CLASP1: variants seen among roughly 807,000 people sequenced by gnomAD.
The protein encoded by CLASP1 is CLIP-associating protein 1.
In CLASP1, 38 loss-of-function variants were observed where a neutral mutation model predicts 192.3. The observed-to-expected ratio is 0.20, with a 90% CI of 0.15 to 0.26. The LOEUF (loss-of-function observed/expected upper bound fraction) is 0.26. Ranked by LOEUF, CLASP1 falls within the 10% of genes least tolerant of loss-of-function variation. The probability of loss-of-function intolerance (pLI) is 1.00; values close to 1 mark genes in which losing one functional copy is unlikely to be tolerated. For synonymous variants in CLASP1, 691 were observed against 712.8 expected (o/e 0.97, Z 0.49); for missense variants, 1,433 against 1,932.5 (o/e 0.74, Z 4.85).
intron 8 of CLASP1, among the ~76,000 whole-genome samples, chr2:121,474,610 C>T (rs1382258697): frequency 6.6e-6 from 1 of 152,152 alleles, no homozygotes; most frequent in African/African-American, 2.4e-5. Flanking sequence ...GTGGTGGGTG[C>T]CTGTAGTCGC....
chr2:121,518,059 G>A (rs534672926), intron 6 of CLASP1, among the ~76,000 whole-genome samples: 16 of 148,878 alleles, frequency 1.1e-4, no homozygotes, highest in Middle Eastern at 3.5e-3. Flanking sequence ...GTGAAACCCC[G>A]TCTCTACTAA....
chr2:121,593,674 G>A (rs1476975908), intron 2 of CLASP1, among the ~76,000 whole-genome samples: 1 of 145,752 alleles, frequency 6.9e-6, no homozygotes, highest in African/African-American at 2.6e-5. Context: ...AGACCTAAAT[G>A]TAGTGTGTGT....
chr2:121,538,844 A>G (rs1277915408), intron 2 of CLASP1, among the ~76,000 whole-genome samples: 2 of 152,150 alleles, frequency 1.3e-5, no homozygotes, highest in East Asian at 1.9e-4. Context: ...TGCAAGACTA[A>G]TACAAAGCCA....
intron 2 of CLASP1, among the ~76,000 whole-genome samples, chr2:121,584,851 T>C (rs2105638229): frequency 6.6e-6 from 1 of 152,306 alleles, no homozygotes; most frequent in East Asian, 1.9e-4. Flanking sequence ...GCTGTTTGGG[T>C]ACAATTTAAA....
At chr2:121,362,135 T>A (rs924693143) in intron 37 of CLASP1, among the ~76,000 whole-genome samples, 6 of 152,256 alleles carry the variant, frequency 3.9e-5, no homozygotes, top group African/African-American at 1.4e-4. Flanking sequence ...CAGTCACACA[T>A]GAGCCAAGAG....
intron 8 of CLASP1, among the ~76,000 whole-genome samples, chr2:121,476,412 T>C (rs1292661966): frequency 2.0e-5 from 3 of 152,168 alleles, no homozygotes; most frequent in Non-Finnish European, 4.4e-5. Flanking sequence ...AGTTTGGCTA[T>C]GAGGGGCAGA....
Position 121,535,469 on chromosome 2 carries a change from GA to G in CLASP1, c.196-5145del, listed in dbSNP as rs2095038854. Among the ~76,000 whole-genome samples, 3 of 151,920 alleles carry G rather than the reference GA, an allele frequency of 2.0e-5. No individual in the cohort carries two copies. In the South Asian group the frequency reaches 6.2e-4, roughly 31 times the overall value. The stretch of plus-strand genomic sequence containing the variant: ...CCTAAGTGCACTGTAAATACATGAA[GA>G]GAACTAAACAGGAAACTAAGTCTGC... On this transcript the variant is annotated intron_variant, in intron 2 of 39. Transcript: ENST00000263710.
chr2:121,526,027 A>G, intron 5 of CLASP1, 107 bp from the exon 6 acceptor site: 1 of 735,620 alleles, frequency 1.4e-6, no homozygotes, highest in Non-Finnish European at 2.4e-6. Context: ...CCCCATCACC[A>G]CCTCATACCA....
At chr2:121,487,950 T>C (rs967963667) in intron 8 of CLASP1, among the ~76,000 whole-genome samples, 2 of 152,262 alleles carry the variant, frequency 1.3e-5, no homozygotes, top group African/African-American at 4.8e-5. Flanking sequence ...GCTTTGGCTA[T>C]TGGAAGCACT....
chr2:121,578,221 C>T (rs1032884175), intron 2 of CLASP1, among the ~76,000 whole-genome samples: 2 of 151,844 alleles, frequency 1.3e-5, no homozygotes, highest in Non-Finnish European at 2.9e-5. Flanking sequence ...AGGCATGAGC[C>T]ACCACACCCT....
chr2:121,410,674 C>G (rs1195160568), intron 24 of CLASP1, among the ~76,000 whole-genome samples, 192 bp downstream of exon 25: 1 of 152,176 alleles, frequency 6.6e-6, no homozygotes, highest in African/African-American at 2.4e-5. Flanking sequence ...TCCATTTTCA[C>G]TTATATGTGT....
At chr2:121,547,112 T>C (rs375473238) in intron 2 of CLASP1, among the ~76,000 whole-genome samples, 9 of 152,246 alleles carry the variant, frequency 5.9e-5, no homozygotes, top group African/African-American at 1.4e-4. Context: ...TACAGAAAAG[T>C]GGCCAGACGG....
chr2:121,345,839 A>G (rs1318048179), intron 39 of CLASP1, among the ~76,000 whole-genome samples: 2 of 152,204 alleles, frequency 1.3e-5, no homozygotes, highest in Non-Finnish European at 2.9e-5. Flanking sequence ...GCCAGGTGTG[A>G]GACAGCAGTG....
chr2:121,534,305 G>C (rs2094981318), intron 2 of CLASP1, among the ~76,000 whole-genome samples: 1 of 152,204 alleles, frequency 6.6e-6, no homozygotes, highest in South Asian at 2.1e-4. Flanking sequence ...CTAGACTTTA[G>C]GAGGAGAGTG....
intron 8 of CLASP1, among the ~76,000 whole-genome samples, chr2:121,475,837 G>C (rs1297855806): frequency 6.6e-6 from 1 of 152,128 alleles, no homozygotes; most frequent in South Asian, 2.1e-4. Flanking sequence ...TGCCATGGGA[G>C]GGCCACTTCT....
chr2:121,641,847 T>C (rs2106338070), intron 1 of CLASP1, among the ~76,000 whole-genome samples: 1 of 152,308 alleles, frequency 6.6e-6, no homozygotes, highest in South Asian at 2.1e-4. Flanking sequence ...GGTTAGCTAG[T>C]GGCAATACAT....
intron 32 of CLASP1, among the ~76,000 whole-genome samples, chr2:121,384,576 TAAA>T (rs1012145456): frequency 1.4e-5 from 2 of 146,058 alleles, no homozygotes; most frequent in African/African-American, 2.5e-5. Flanking sequence ...AATTTTGGAC[TAAA>T]AAAAAAAAGT....
chr2:121,493,345 T>A (rs1290780558), intron 8 of CLASP1, among the ~76,000 whole-genome samples: 1 of 152,000 alleles, frequency 6.6e-6, no homozygotes, highest in East Asian at 1.9e-4. Flanking sequence ...AATCCACACA[T>A]CTACAGTGAA....
chr2:121,528,701 G>C (rs898747828), exon 4 of CLASP1: 1 of 1,613,874 alleles, frequency 6.2e-7, no homozygotes, highest in African/African-American at 1.3e-5. Context: ...CTTGATCCAT[G>C]ATCTTTAGCA....
Sources: gnomAD v4.1 joint callset for allele counts (sites outside exome capture counted in the v4.1 genomes callset) on GRCh38, gnomAD v4.1.1 for gene constraint, MANE v1.5 for transcripts, NCBI Gene and HGNC (gene_info 2026-07-23, HGNC 2026-07-21) for gene names.